The following BLNK variants were observed in gnomAD, a reference collection of about 807,000 sequenced individuals.
BLNK encodes B cell linker.
BLNK carries 29 observed loss-of-function variants against 73.5 expected under a neutral mutation model. That is an observed-to-expected ratio of 0.39 (90% CI 0.29 to 0.54). BLNK has a LOEUF of 0.54. Ranked by LOEUF, BLNK falls within the 20% of genes least tolerant of loss-of-function variation. The pLI, the probability that BLNK is intolerant of heterozygous loss-of-function variation, is 0.61. For missense variants in BLNK, 460 were observed against 562.8 expected, an observed-to-expected ratio of 0.82 and a Z score of 1.85; for synonymous variants, 176 against 200.8, an observed-to-expected ratio of 0.88 and a Z score of 1.04.
At chr10:96,263,174 C>T (rs983016594) in intron 1 of BLNK, among the ~76,000 whole-genome samples, 3 of 152,174 alleles carry the variant, frequency 2.0e-5, no homozygotes, top group Admixed American at 2.0e-4. Flanking sequence ...GCCCCTTGGT[C>T]GAAATTGTTA....
chr10:96,248,164 GTAA>G (rs1208396528), intron 1 of BLNK, among the ~76,000 whole-genome samples: 7 of 152,134 alleles, frequency 4.6e-5, no homozygotes, highest in African/African-American at 1.7e-4. Flanking sequence ...GCAACATATA[GTAA>G]TAATAATAAG....
chr10:96,215,440 C>T, intron 7 of BLNK, 51 bp from the exon 8 acceptor site: 1 of 1,494,316 alleles, frequency 6.7e-7, no homozygotes, highest in Non-Finnish European at 9.1e-7. Context: ...TACATAAAAC[C>T]ATTACAGATA....
chr10:96,253,819 TCTTGGCTAA>T (rs1343204886), intron 1 of BLNK, among the ~76,000 whole-genome samples: 1 of 151,232 alleles, frequency 6.6e-6, no homozygotes, highest in Non-Finnish European at 1.5e-5. Flanking sequence ...ATCGAGACCA[TCTTGGCTAA>T]CACGGTGAAA....
At chr10:96,222,202 A>G (rs1052332872) in intron 6 of BLNK, among the ~76,000 whole-genome samples, 21 of 152,220 alleles carry the variant, frequency 1.4e-4, no homozygotes, top group Admixed American at 8.5e-4. Context: ...GCTTGCCCCA[A>G]ATCATACACC....
At chr10:96,225,384 C>G (rs1554902212) in intron 5 of BLNK, among the ~76,000 whole-genome samples, 1 of 152,156 alleles carries the variant, frequency 6.6e-6, no homozygotes, top group East Asian at 1.9e-4. Flanking sequence ...GCTCCTGGTG[C>G]CTGCCCCTGC....
rs868914315 is a variant in BLNK at position 96,189,255 on chromosome 10, G to A, written c.*2718C>T. The A allele has an allele frequency of 2.0e-5, 8 of 400,754 alleles. No homozygotes were observed. The highest frequency in any genetic ancestry group is 6.5e-5 in the South Asian group (3 of 45,922). 24.8% of individuals were successfully genotyped at this position (400,754 alleles called of 1,614,324 possible). A position where few individuals can be genotyped will look rare whatever the true frequency, so the allele number is the denominator to read the frequency against. Reference sequence around the variant, plus strand: ...ACCTGGACAACATTTATTAAACACAGTAGGGAAAGTTCTCACTCTGCATTA... The same window carrying A: ...ACCTGGACAACATTTATTAAACACAATAGGGAAAGTTCTCACTCTGCATTA... On this transcript the variant is annotated 3_prime_UTR_variant, in exon 17 of 17. Coordinates refer to ENST00000224337, the MANE Select transcript of BLNK (RefSeq NM_013314.4).
At chr10:96,216,318 C>T (rs1591317133) in intron 7 of BLNK, 1 of 327,720 alleles carries the variant, frequency 3.1e-6, no homozygotes. Flanking sequence ...TTTACAAGGC[C>T]AACATGGTGG....
chr10:96,255,449 T>A (rs1216792289), intron 1 of BLNK, among the ~76,000 whole-genome samples: 2 of 152,170 alleles, frequency 1.3e-5, no homozygotes, highest in African/African-American at 4.8e-5. Context: ...CTTGTAGCTC[T>A]TTAGTGCTGT....
chr10:96,223,573 G>C (rs960800613), intron 6 of BLNK, among the ~76,000 whole-genome samples: 9 of 152,112 alleles, frequency 5.9e-5, no homozygotes, highest in African/African-American at 2.2e-4. Context: ...GAAACCCCAG[G>C]GAAGAAGGAG....
At chr10:96,197,575 G>A (rs587671568) in intron 15 of BLNK, among the ~76,000 whole-genome samples, 1 of 152,156 alleles carries the variant, frequency 6.6e-6, no homozygotes, top group East Asian at 1.9e-4. Flanking sequence ...CTTGAACTGG[G>A]AACCATAGCC....
chr10:96,194,768 ATTT>A lies in BLNK; in HGVS notation c.1251+2137_1251+2139del, dbSNP rs71034364. 4.5e-3 allele frequency among the ~76,000 whole-genome samples: 495 copies of A among 110,278 alleles called. 2 individuals carry two copies. The highest frequency in any genetic ancestry group is 0.015 in the African/African-American group (460 of 31,322). 72.3% of individuals were successfully genotyped at this position (110,278 alleles called of 152,430 possible). ...ATCACTAATCATCAGAGAAATGCAA[ATTT>A]TTTTTTTTTTTTTTTTTGAGACGGA... On this transcript the variant is annotated intron_variant, in intron 16 of 16. Transcript: ENST00000224337.
At chr10:96,244,756 A>C (rs1564842646) in intron 2 of BLNK, among the ~76,000 whole-genome samples, 1 of 152,164 alleles carries the variant, frequency 6.6e-6, no homozygotes, top group East Asian at 1.9e-4. Context: ...TTGGTCATCC[A>C]ATGGGCAGAA....
intron 9 of BLNK, among the ~76,000 whole-genome samples, chr10:96,208,320 A>G (rs1554897916): frequency 6.6e-6 from 1 of 152,158 alleles, no homozygotes; most frequent in Non-Finnish European, 1.5e-5. Context: ...ACTGTCCAGG[A>G]CAGAGGGTAG....
At chr10:96,216,451 G>T (rs2084067415) in intron 7 of BLNK, 3 of 604,760 alleles carry the variant, frequency 5.0e-6, no homozygotes, top group African/African-American at 1.8e-5. Context: ...GAAGGGGAAG[G>T]CAGGGAAGGG....
intron 8 of BLNK, among the ~76,000 whole-genome samples, chr10:96,214,284 G>A (rs1554899336): frequency 6.6e-6 from 1 of 152,216 alleles, no homozygotes; most frequent in East Asian, 1.9e-4. Flanking sequence ...GCACCCCTCA[G>A]TGTCTTGGGC....
At chr10:96,250,051 C>A (rs1843216755) in intron 1 of BLNK, among the ~76,000 whole-genome samples, 2 of 152,112 alleles carry the variant, frequency 1.3e-5, no homozygotes, top group South Asian at 4.1e-4. Context: ...GGGTCTGGTG[C>A]CAAGTCATTG....
intron 3 of BLNK, among the ~76,000 whole-genome samples, chr10:96,242,070 A>T (rs6584060): frequency 0.59 from 90,225 of 151,910 alleles, 28,643 homozygotes; most frequent in South Asian, 0.73. Flanking sequence ...TACCCCCCCA[A>T]ATCTCATCTT....
chr10:96,242,237 G>C (rs903952325), intron 3 of BLNK, among the ~76,000 whole-genome samples: 1 of 152,066 alleles, frequency 6.6e-6, no homozygotes, highest in African/African-American at 2.4e-5. Flanking sequence ...CTCTTGGCTC[G>C]CATTCTACCT....
At chr10:96,208,820 G>T in intron 9 of BLNK, among the ~76,000 whole-genome samples, 1 of 152,144 alleles carries the variant, frequency 6.6e-6, no homozygotes. Flanking sequence ...GACATTTTAA[G>T]GTGAGGAAAC....
Sources: gnomAD v4.1 joint callset for allele counts (sites outside exome capture counted in the v4.1 genomes callset) on GRCh38, gnomAD v4.1.1 for gene constraint, MANE v1.5 for transcripts, NCBI Gene and HGNC (gene_info 2026-07-23, HGNC 2026-07-21) for gene names.